Variants in TLE1 observed in about 807,000 individuals in gnomAD.
TLE1 encodes the protein transducin-like enhancer protein 1.
Under a neutral mutation model 89.8 loss-of-function variants are expected in TLE1, and 21 were observed. That is an observed-to-expected ratio of 0.23 (90% confidence interval 0.17 to 0.34). The LOEUF (loss-of-function observed/expected upper bound fraction) is 0.34, where lower values mean the gene tolerates loss of function less well. Ranked by LOEUF, TLE1 falls within the 10% of genes least tolerant of loss-of-function variation. The pLI is 1.00. For synonymous variants in TLE1, 447 were observed against 407.6 expected, an observed-to-expected ratio of 1.10 and a Z score of -1.16; for missense variants, 795 against 1,031.2, an observed-to-expected ratio of 0.77 and a Z score of 3.14.
At chr9:81,602,996 C>A (rs1373630177) in intron 14 of TLE1, among the ~76,000 whole-genome samples, 2 of 152,110 alleles carry the variant, frequency 1.3e-5, no homozygotes, top group East Asian at 3.9e-4. Flanking sequence ...GGAAACCCAT[C>A]TTGTCATCTT....
intron 4 of TLE1, among the ~76,000 whole-genome samples, chr9:81,679,478 T>A (rs1330209912): frequency 6.6e-6 from 1 of 152,052 alleles, no homozygotes; most frequent in African/African-American, 2.4e-5. Context: ...TTTATTTCAC[T>A]TTTCAGATCA....
Position 81,613,248 on chromosome 9 carries a change from G to C in TLE1, c.1063+129C>G, listed in dbSNP as rs147551154. 2.4e-4 allele frequency: 316 copies of C among 1,302,766 alleles called. 3 individuals carry two copies. In the East Asian group the frequency reaches 7.7e-3, roughly 32 times the overall value. The allele number at this position is 1,302,766 out of a possible 1,614,324, so 80.7% of individuals were successfully genotyped here. On this transcript the variant is annotated intron_variant, in intron 12 of 19. Transcript: ENST00000376499. The stretch of plus-strand genomic sequence containing the variant: ...TGTTTCTTATCATGGCTTTTTCAGA[G>C]ATAGGAAGGAGGGTGGCCCTACGTA...
chr9:81,598,355 G>A (rs998986196), intron 14 of TLE1, among the ~76,000 whole-genome samples: 12 of 152,044 alleles, frequency 7.9e-5, no homozygotes, highest in East Asian at 7.7e-4. Context: ...AGTACACGCC[G>A]CTTCCTCCCT....
chr9:81,654,141 A>C, intron 4 of TLE1, 105 bp from the exon 5 acceptor site: 1 of 1,008,654 alleles, frequency 9.9e-7, no homozygotes, highest in Admixed American at 2.2e-5. Flanking sequence ...CTTGCTCTGG[A>C]AATGTGTATA....
chr9:81,598,398 T>C (rs1256431080), intron 14 of TLE1, among the ~76,000 whole-genome samples: 1 of 152,170 alleles, frequency 6.6e-6, no homozygotes, highest in Admixed American at 6.5e-5. Flanking sequence ...CCAGCCTTGA[T>C]GATTCTTTCC....
intron 4 of TLE1, among the ~76,000 whole-genome samples, chr9:81,685,034 A>G (rs1834090675): frequency 6.6e-6 from 1 of 152,224 alleles, no homozygotes; most frequent in East Asian, 1.9e-4. Flanking sequence ...AGAGCTTTCC[A>G]GTCACTAATC....
chr9:81,587,701 G>T lies in TLE1; in HGVS notation c.1957C>A (p.Gln653Lys). The change falls in exon 17 of 20, where the codon CAG (glutamine) becomes AAG (lysine). Residue 653 changes from glutamine (Q) to lysine (K), a missense_variant. By Grantham distance (53) the Gln-to-Lys change is moderately conservative. Transcript: ENST00000376499. ...WDLREGRQLQ[Q>K]HDFTSQIFSL... ...GTCACCTGGGAGGTGAAGTCGTGCT[G>T]CTGCAGCTGCCGCCCCTCGCGCAGG... 2 of 1,613,232 alleles carry T rather than the reference G, an allele frequency of 1.2e-6. No homozygotes were observed. Among genetic ancestry groups the T allele is most frequent in the Non-Finnish European group, 1.7e-6 (2 of 1,179,546 alleles).
chr9:81,632,635 C>A (rs1246497143), intron 8 of TLE1, among the ~76,000 whole-genome samples: 1 of 152,120 alleles, frequency 6.6e-6, no homozygotes. Flanking sequence ...ACAGGTCTCT[C>A]CAGAGCTAAC....
At chr9:81,652,138 C>CACACACACA in intron 6 of TLE1, 76 bp downstream of exon 6, 3 of 1,417,544 alleles carry the variant, frequency 2.1e-6, no homozygotes, top group Non-Finnish European at 3.0e-6. Context: ...CACACACACA[C>CACACACACA]GTAAAGCCAT....
intron 1 of TLE1, 61 bp downstream of exon 1, chr9:81,688,153 ACCG>A (rs1399349013): frequency 6.3e-7 from 1 of 1,587,110 alleles, no homozygotes; most frequent in Non-Finnish European, 8.6e-7. Flanking sequence ...CAGTCTCCCT[ACCG>A]CCCGGGAGAA....
At chr9:81,616,591 T>C (rs1307698761) in intron 10 of TLE1, 55 bp downstream of exon 10, 1 of 1,597,178 alleles carries the variant, frequency 6.3e-7, no homozygotes, top group East Asian at 2.2e-5. Context: ...TAGTTTTTTT[T>C]CATAACATTA....
In TLE1 at chr9:81,670,059, T is replaced by C. The variant is rs77582848; in HGVS notation, c.234+15617A>G. On this transcript the variant is annotated intron_variant, in intron 4 of 19. Coordinates refer to ENST00000376499, the MANE Select transcript of TLE1 (RefSeq NM_005077.5). ...TCCAACTCGTGTCTCCATGACAACG[T>C]TGGCCAACCCTGCAAATCATTTGGG... Among the ~76,000 whole-genome samples, 206 of 152,318 alleles carry C rather than the reference T, an allele frequency of 1.4e-3. 1 individual carries two copies. The East Asian group carries it at 0.033, about 24-fold the overall frequency.
intron 4 of TLE1, among the ~76,000 whole-genome samples, chr9:81,661,923 C>G (rs1830846896): frequency 6.6e-6 from 1 of 152,138 alleles, no homozygotes; most frequent in South Asian, 2.1e-4. Flanking sequence ...TCATACGTTA[C>G]TGATGACATT....
chr9:81,651,252 A>G (rs1829491816), intron 6 of TLE1, among the ~76,000 whole-genome samples: 1 of 152,214 alleles, frequency 6.6e-6, no homozygotes, highest in Non-Finnish European at 1.5e-5. Flanking sequence ...TATGAATAAA[A>G]TCAGAAAGGA....
intron 17 of TLE1, among the ~76,000 whole-genome samples, chr9:81,586,942 T>G (rs1828558812): frequency 6.6e-6 from 1 of 152,226 alleles, no homozygotes. Flanking sequence ...CTGAGTAGAA[T>G]TATTTTTATT....
At chr9:81,684,555 G>A (rs140225510) in intron 4 of TLE1, among the ~76,000 whole-genome samples, 3,426 of 152,276 alleles carry the variant, frequency 0.022, 67 homozygotes, top group Middle Eastern at 0.041. Flanking sequence ...CTTAATGAAA[G>A]TCTTTGAATA....
intron 6 of TLE1, among the ~76,000 whole-genome samples, chr9:81,651,294 A>C (rs1455422238): frequency 6.6e-6 from 1 of 152,174 alleles, no homozygotes; most frequent in Non-Finnish European, 1.5e-5. Flanking sequence ...TCTTTGGCTT[A>C]GTGTGGAAGG....
intron 6 of TLE1, among the ~76,000 whole-genome samples, chr9:81,640,383 C>T (rs769460525): frequency 6.2e-4 from 90 of 145,902 alleles, no homozygotes; most frequent in Non-Finnish European, 1.0e-3. Context: ...ATTCCACTAA[C>T]AATTTCAAAA....
intron 6 of TLE1, among the ~76,000 whole-genome samples, chr9:81,638,110 A>G (rs78227178): frequency 0.018 from 2,739 of 152,260 alleles, 84 homozygotes; most frequent in African/African-American, 0.063. Context: ...ACCTGATACT[A>G]CATACACAGA....
Sources: gnomAD v4.1 joint callset for allele counts (sites outside exome capture counted in the v4.1 genomes callset) on GRCh38, gnomAD v4.1.1 for gene constraint, MANE v1.5 for transcripts, NCBI Gene and HGNC (gene_info 2026-07-23, HGNC 2026-07-21) for gene names.